PPIP5K2: variants seen among roughly 807,000 people sequenced by gnomAD.
PPIP5K2 encodes the protein diphosphoinositol pentakisphosphate kinase 2, also known as inositol hexakisphosphate and diphosphoinositol-pentakisphosphate kinase 2.
In PPIP5K2, 105 loss-of-function variants were observed where a neutral mutation model predicts 154.6. That is an observed-to-expected ratio of 0.68 (90% CI 0.58 to 0.80). The LOEUF (loss-of-function observed/expected upper bound fraction) is 0.80, where lower values mean the gene tolerates loss of function less well. PPIP5K2 is among the 30% of genes least tolerant of loss of function. The probability of loss-of-function intolerance (pLI) is 0.00; values close to 1 mark genes in which losing one functional copy is unlikely to be tolerated. For missense variants in PPIP5K2, 992 were observed against 1,504.6 expected (o/e 0.66, Z 5.64); for synonymous variants, 480 against 490.3 (o/e 0.98, Z 0.28).
chr5:103,183,029 C>G (rs1316788232), intron 24 of PPIP5K2, among the ~76,000 whole-genome samples: 1 of 151,706 alleles, frequency 6.6e-6, no homozygotes, highest in Non-Finnish European at 1.5e-5. Context: ...TTAGTCATTC[C>G]TATCAAATTC....
chr5:103,157,005 A>G (rs1554213701), intron 14 of PPIP5K2, among the ~76,000 whole-genome samples: 1 of 152,148 alleles, frequency 6.6e-6, no homozygotes, highest in Non-Finnish European at 1.5e-5. Flanking sequence ...CTTAGTATTT[A>G]TCATCAAAAA....
intron 21 of PPIP5K2, 94 bp downstream of exon 21, chr5:103,174,066 A>T: frequency 1.0e-6 from 1 of 988,798 alleles, no homozygotes; most frequent in East Asian, 2.6e-5. Flanking sequence ...TTAGTAATTC[A>T]TCCTTAAGTT....
intron 14 of PPIP5K2, among the ~76,000 whole-genome samples, chr5:103,156,473 T>A (rs2149595893): frequency 6.6e-6 from 1 of 152,312 alleles, no homozygotes; most frequent in African/African-American, 2.4e-5. Flanking sequence ...GCAGTCAGTA[T>A]CCACATTCAT....
At chr5:103,139,107 A>G (rs17532917) in intron 5 of PPIP5K2, among the ~76,000 whole-genome samples, 5,164 of 152,316 alleles carry the variant, frequency 0.034, 139 homozygotes, top group Admixed American at 0.078. Flanking sequence ...TTAATATTTT[A>G]AAGCACTGTT....
intron 25 of PPIP5K2, 131 bp from the exon 26 acceptor site, chr5:103,184,541 T>C: frequency 1.6e-6 from 1 of 631,296 alleles, no homozygotes; most frequent in Admixed American, 2.9e-5. Flanking sequence ...CTTTCATGTT[T>C]TATGTATTTC....
At chr5:103,133,377 G>A in intron 2 of PPIP5K2, 76 bp from the exon 3 acceptor site, 1 of 1,271,742 alleles carries the variant, frequency 7.9e-7, no homozygotes, top group African/African-American at 1.5e-5. Context: ...ATCTACTTTT[G>A]GAAAACAAAT....
chr5:103,186,369 A>G lies in PPIP5K2; in HGVS notation c.3219A>G (p.Ser1073=), dbSNP rs1170771051. ...LFSTSVLGGS[S]SAPNLQDYAR... is the part of the protein sequence containing the mutation. ...GCACCTCGGTGCTCGGGGGTTCTTC[A>G]AGCGCACCTAACCTACAGGATTATG... Residue 1073 remains serine (S), a synonymous_variant, in exon 27 of 31, where the codon TCA becomes TCG. Coordinates refer to ENST00000358359, the MANE Select transcript of PPIP5K2 (RefSeq NM_001276277.3). 6.2e-7 allele frequency: 1 copy of G among 1,613,930 alleles called. No individual in the cohort carries two copies.
Position 103,186,389 on chromosome 5 carries a change from A to G in PPIP5K2, c.3239A>G (p.Asp1080Gly). 6.2e-7 allele frequency: 1 copy of G among 1,613,934 alleles called. No individual in the cohort carries two copies. The highest frequency in any genetic ancestry group is 8.5e-7 in the Non-Finnish European group (1 of 1,179,880). Residue 1080 changes from aspartate to glycine, a missense_variant, in exon 27 of 31, where the codon GAT becomes GGT. By Grantham distance (94) the Asp-to-Gly change is moderately conservative. This residue lies in a region of PPIP5K2 where 204 missense variants were observed against 224.0 expected (regional missense o/e 0.91). Coordinates refer to ENST00000358359, the MANE Select transcript of PPIP5K2 (RefSeq NM_001276277.3). ...TCTTCAAGCGCACCTAACCTACAGG[A>G]TTATGCTCGTACTCATCGTAAAAAG... ...GGSSSAPNLQ[D>G]YARTHRKKLT... is the part of the protein sequence containing the mutation.
intron 14 of PPIP5K2, among the ~76,000 whole-genome samples, chr5:103,157,689 G>A (rs1254479605): frequency 6.8e-6 from 1 of 147,884 alleles, no homozygotes; most frequent in African/African-American, 2.5e-5. Flanking sequence ...GCGACCAAGC[G>A]AGACTCTGTC....
At chr5:103,133,121 A>G (rs529066755) in intron 2 of PPIP5K2, among the ~76,000 whole-genome samples, 5 of 152,214 alleles carry the variant, frequency 3.3e-5, no homozygotes, top group South Asian at 4.1e-4. Context: ...TTTGACTGTT[A>G]TTATACTTTA....
In PPIP5K2 at chr5:103,153,345, C is replaced by T. The variant is rs143984424; in HGVS notation, c.1131-503C>T. Among the ~76,000 whole-genome samples the T allele has an allele frequency of 3.0e-3, 452 of 151,906 alleles. 5 individuals carry two copies. The highest frequency in any genetic ancestry group is 0.01 in the African/African-American group (427 of 41,506). On this transcript the variant is annotated intron_variant, in intron 10 of 30. Coordinates refer to ENST00000358359, the MANE Select transcript of PPIP5K2 (RefSeq NM_001276277.3). ...GTTCTGCAGTTCACACTTCAGCACA[C>T]ACTAGATTATACCTCTGAATTCTAG... is the stretch of plus-strand genomic sequence containing the variant.
At position 103,209,862 on chromosome 5, in the gene PPIP5K2, T is replaced by C. The variant is rs1554232487; in HGVS notation, c.*8228T>C. 6.6e-6 allele frequency: 1 copy of C among 152,132 alleles called. No homozygotes were observed. Among genetic ancestry groups the C allele is most frequent in the Non-Finnish European group, 1.5e-5 (1 of 68,008 alleles). The allele number at this position is 152,132 out of a possible 1,614,324, so 9.4% of individuals were successfully genotyped here. On this transcript the variant is annotated 3_prime_UTR_variant, in exon 31 of 31. Transcript: ENST00000358359. ...TACTGTTAACAAAAAGCAGCATCGC[T>C]GATGTGTGGGGAATAAATTGGAAGT...
intron 28 of PPIP5K2, 56 bp downstream of exon 28, chr5:103,187,432 TTA>T (rs1554225543): frequency 1.5e-6 from 2 of 1,325,178 alleles, no homozygotes; most frequent in Admixed American, 4.3e-5. Flanking sequence ...TTTTTTATTT[TTA>T]TTTTATTTCA....
Position 103,202,128 on chromosome 5 carries a change from G to T in PPIP5K2, c.*494G>T, listed in dbSNP as rs1242429067. On this transcript the variant is annotated 3_prime_UTR_variant, in exon 31 of 31. Transcript: ENST00000358359. ...TAGAATATCTTTCCCAATTGTTACA[G>T]TGACATATATGCTGCAATATTTAAC... 2 of 153,026 alleles carry T rather than the reference G, an allele frequency of 1.3e-5. No individual in the cohort carries two copies. Among genetic ancestry groups the T allele is most frequent in the African/African-American group, 4.8e-5 (2 of 41,450 alleles). The allele number at this position is 153,026 out of a possible 1,614,324, so 9.5% of individuals were successfully genotyped here. A position where few individuals can be genotyped will look rare whatever the true frequency, so the allele number is the denominator to read the frequency against.
chr5:103,188,220 A>G (rs1800703366), intron 28 of PPIP5K2, among the ~76,000 whole-genome samples: 1 of 152,200 alleles, frequency 6.6e-6, no homozygotes, highest in Non-Finnish European at 1.5e-5. Flanking sequence ...TCATTTTACA[A>G]TAATTCAGGA....
intron 25 of PPIP5K2, 49 bp downstream of exon 25, chr5:103,183,456 C>T (rs1799891933): frequency 1.4e-6 from 2 of 1,471,150 alleles, no homozygotes; most frequent in Non-Finnish European, 1.9e-6. Flanking sequence ...GCATTCAGAG[C>T]AACAAACAGC....
At chr5:103,200,850 C>T (rs1023004032) in intron 30 of PPIP5K2, among the ~76,000 whole-genome samples, 3 of 151,934 alleles carry the variant, frequency 2.0e-5, no homozygotes, top group African/African-American at 7.3e-5. Flanking sequence ...GTTGCCAGGG[C>T]TCGTCTTGAA....
intron 23 of PPIP5K2, 78 bp from the exon 24 acceptor site, chr5:103,179,943 A>G: frequency 2.5e-6 from 3 of 1,218,416 alleles, no homozygotes; most frequent in South Asian, 3.6e-5. Context: ...TACCTCTACC[A>G]GTGGTAGTTG....
intron 28 of PPIP5K2, among the ~76,000 whole-genome samples, chr5:103,190,462 A>C (rs1554226528): frequency 6.6e-6 from 1 of 152,048 alleles, no homozygotes; most frequent in East Asian, 1.9e-4. Context: ...TCCTGGCATC[A>C]GGGATACATC....
Sources: gnomAD v4.1 joint callset for allele counts (sites outside exome capture counted in the v4.1 genomes callset) on GRCh38, gnomAD v4.1.1 for gene constraint, gnomAD v4.1.1 regional missense constraint, MANE v1.5 for transcripts, NCBI Gene and HGNC (gene_info 2026-07-23, HGNC 2026-07-21) for gene names.